SLIT3: variants seen among roughly 807,000 people sequenced by gnomAD.
SLIT3 encodes the protein slit guidance ligand 3.
A neutral mutation model predicts 184.0 loss-of-function variants in SLIT3; 68 were observed. That is an observed-to-expected ratio of 0.37 (90% CI 0.30 to 0.45). The LOEUF (loss-of-function observed/expected upper bound fraction) is 0.45, where lower values mean the gene tolerates loss of function less well. Ranked by LOEUF, SLIT3 falls within the 20% of genes least tolerant of loss-of-function variation. SLIT3 has a pLI of 1.00. For missense variants in SLIT3, 1,707 were observed against 2,026.0 expected (o/e 0.84, Z 3.02); for synonymous variants, 831 against 828.6 (o/e 1.00, Z -0.05).
At chr5:169,186,367 G>A (rs1011439211) in intron 4 of SLIT3, among the ~76,000 whole-genome samples, 1 of 152,132 alleles carries the variant, frequency 6.6e-6, no homozygotes, top group Non-Finnish European at 1.5e-5. Flanking sequence ...GCACCAGGAG[G>A]AACTAATCCA....
At chr5:168,676,670 C>G (rs553276338) in intron 32 of SLIT3, among the ~76,000 whole-genome samples, 1 of 152,302 alleles carries the variant, frequency 6.6e-6, no homozygotes, top group Non-Finnish European at 1.5e-5. Flanking sequence ...CCACAGCGTC[C>G]TAGAAATGGA....
intron 4 of SLIT3, among the ~76,000 whole-genome samples, chr5:168,946,583 G>A (rs1762490658): frequency 6.6e-6 from 1 of 152,202 alleles, no homozygotes; most frequent in Admixed American, 6.5e-5. Context: ...TGATGGCAGG[G>A]ACCACCTGGC....
rs572849879 is a variant in SLIT3 at position 169,297,805 on chromosome 5, G to A, written c.197+2708C>T. ...TTTCTGGAATGCAGTAGAGGTTCAAGTCATGTTTGTTCTCAAACTCCTAGG... is the reference window on the plus strand; with the variant it reads ...TTTCTGGAATGCAGTAGAGGTTCAAATCATGTTTGTTCTCAAACTCCTAGG... On this transcript the variant is annotated intron_variant, in intron 1 of 35. Transcript: ENST00000519560. Among the ~76,000 whole-genome samples, 18 of 152,302 alleles carry A rather than the reference G, an allele frequency of 1.2e-4. No homozygotes were observed. In the South Asian group the frequency reaches 2.9e-3, roughly 25 times the overall value.
chr5:169,208,779 T>C (rs1764158903), intron 3 of SLIT3, among the ~76,000 whole-genome samples: 3 of 152,066 alleles, frequency 2.0e-5, no homozygotes, highest in African/African-American at 7.2e-5. Context: ...TAGACAAAAA[T>C]TAAGATGGAT....
intron 5 of SLIT3, among the ~76,000 whole-genome samples, chr5:168,871,111 G>T (rs1759500943): frequency 6.6e-6 from 1 of 152,174 alleles, no homozygotes; most frequent in Non-Finnish European, 1.5e-5. Context: ...ACGCCCCAGG[G>T]TACAATCTGT....
intron 9 of SLIT3, among the ~76,000 whole-genome samples, chr5:168,795,852 C>T (rs946736037): frequency 7.2e-5 from 11 of 152,050 alleles, no homozygotes; most frequent in African/African-American, 2.7e-4. Flanking sequence ...TTATAAACTG[C>T]TTTTGGCAGC....
At chr5:168,697,426 G>A (rs1762095742) in intron 27 of SLIT3, among the ~76,000 whole-genome samples, 1 of 152,228 alleles carries the variant, frequency 6.6e-6, no homozygotes, top group Non-Finnish European at 1.5e-5. Context: ...CGGAAGGGAT[G>A]GGAGTCGGGG....
chr5:168,687,640 C>G (rs1350773820), intron 29 of SLIT3, among the ~76,000 whole-genome samples: 1 of 152,204 alleles, frequency 6.6e-6, no homozygotes, highest in Non-Finnish European at 1.5e-5. Context: ...CACTCATTAC[C>G]TCTCTGTGTT....
chr5:168,938,726 G>A (rs1168323163), intron 4 of SLIT3, among the ~76,000 whole-genome samples: 1 of 152,090 alleles, frequency 6.6e-6, no homozygotes, highest in Non-Finnish European at 1.5e-5. Context: ...CTCCTCCCGG[G>A]TTCAAGCGAT....
intron 4 of SLIT3, among the ~76,000 whole-genome samples, chr5:169,137,335 C>CAGAGAG (rs1554101372): frequency 0.035 from 4,827 of 138,582 alleles, 295 homozygotes; most frequent in East Asian, 0.29. Context: ...CACACACACA[C>CAGAGAG]AGAGAGAGAG....
rs368909945 is a variant in SLIT3, at chr5:168,682,187, G to A, written c.3686+1779C>T. On this transcript the variant is annotated intron_variant, in intron 32 of 35. Transcript: ENST00000519560. ...CCACTGTGCCCAACTGTCCTAACCT[G>A]CCTGGTCTTTATCCACCTTCCACTG... 5.9e-5 allele frequency among the ~76,000 whole-genome samples: 9 copies of A among 152,308 alleles called. No individual in the cohort carries two copies. The South Asian group carries it at 1.9e-3, about 32-fold the overall frequency.
chr5:169,218,909 G>A (rs926484504), intron 3 of SLIT3, among the ~76,000 whole-genome samples: 13 of 152,264 alleles, frequency 8.5e-5, no homozygotes, highest in South Asian at 2.1e-4. Context: ...ACCCAGCCAC[G>A]GTCTCCAGCT....
At chr5:169,092,441 A>G (rs570382023) in intron 4 of SLIT3, among the ~76,000 whole-genome samples, 1 of 151,940 alleles carries the variant, frequency 6.6e-6, no homozygotes, top group South Asian at 2.1e-4. Context: ...ATTCCATCCC[A>G]TTCCATTTTT....
intron 3 of SLIT3, among the ~76,000 whole-genome samples, chr5:169,222,333 C>A (rs1764641282): frequency 6.6e-6 from 1 of 152,098 alleles, no homozygotes; most frequent in African/African-American, 2.4e-5. Flanking sequence ...CATGAAAATA[C>A]TATGCTGGCT....
chr5:168,680,389 C>A (rs1761549919), intron 32 of SLIT3, among the ~76,000 whole-genome samples: 1 of 152,240 alleles, frequency 6.6e-6, no homozygotes, highest in Admixed American at 6.5e-5. Flanking sequence ...TATGGCTGTG[C>A]AGATGAACAA....
chr5:168,924,601 C>CTCCCACCTCAAAT lies in SLIT3; in HGVS notation c.414-41266_414-41265insATTTGAGGTGGGA, dbSNP rs530177053. ...CACAGTTCACTGCAATCTTGAACTCCCAGGCTCAAGCAATCCTCCCACCTC... is the reference window on the plus strand; with the variant it reads ...CACAGTTCACTGCAATCTTGAACTCCTCCCACCTCAAATCAGGCTCAAGCAATCCTCCCACCTC... On this transcript the variant is annotated intron_variant, in intron 4 of 35. Coordinates refer to ENST00000519560, the MANE Select transcript of SLIT3 (RefSeq NM_003062.4). Among the ~76,000 whole-genome samples the CTCCCACCTCAAAT allele has an allele frequency of 2.0e-3, 308 of 152,042 alleles. 2 individuals carry two copies. The highest frequency in any genetic ancestry group is 7.0e-3 in the African/African-American group (292 of 41,488).
chr5:168,722,549 C>T (rs1345559165), intron 22 of SLIT3, among the ~76,000 whole-genome samples: 1 of 152,230 alleles, frequency 6.6e-6, no homozygotes, highest in South Asian at 2.1e-4. Flanking sequence ...GGCTTTCTAA[C>T]CAGCTTGTTC....
At chr5:169,054,043 A>G (rs758514944) in intron 4 of SLIT3, among the ~76,000 whole-genome samples, 11 of 152,114 alleles carry the variant, frequency 7.2e-5, no homozygotes, top group Admixed American at 6.5e-5. Flanking sequence ...GTGAGCCAAC[A>G]TCATGCCACT....
chr5:169,094,638 A>T (rs780838081), intron 4 of SLIT3, among the ~76,000 whole-genome samples: 10 of 152,166 alleles, frequency 6.6e-5, no homozygotes, highest in Non-Finnish European at 1.0e-4. Flanking sequence ...TCAAAAAAAA[A>T]TTACAGCCCT....
Sources: allele counts gnomAD v4.1 joint callset (sites outside exome capture counted in the v4.1 genomes callset), GRCh38; gene constraint gnomAD v4.1.1; transcripts MANE v1.5; gene names NCBI Gene and HGNC (gene_info 2026-07-23, HGNC 2026-07-21).